MMP16: variants seen among roughly 807,000 people sequenced by gnomAD.
MMP16 encodes the protein matrix metalloproteinase-16.
A neutral mutation model predicts 67.8 loss-of-function variants in MMP16; 12 were observed. The ratio of observed to expected loss-of-function variants is 0.18; its 90% CI spans 0.11 to 0.29. The LOEUF is 0.29. MMP16 is among the 10% of genes least tolerant of loss of function. The probability of loss-of-function intolerance (pLI) is 1.00; values close to 1 mark genes in which losing one functional copy is unlikely to be tolerated. For missense variants in MMP16, 475 were observed against 765.7 expected (o/e 0.62, Z 4.48); for synonymous variants, 249 against 255.9 (o/e 0.97, Z 0.26).
intron 1 of MMP16, among the ~76,000 whole-genome samples, chr8:88,266,793 T>C (rs1405367782): frequency 6.6e-6 from 1 of 152,154 alleles, no homozygotes; most frequent in Non-Finnish European, 1.5e-5. Context: ...AAAGTGAACA[T>C]ATTGCAATCT....
At chr8:88,287,275 G>A (rs1226976137) in intron 1 of MMP16, among the ~76,000 whole-genome samples, 29 of 152,152 alleles carry the variant, frequency 1.9e-4, no homozygotes, top group Admixed American at 1.7e-3. Flanking sequence ...TTTGTTCTCA[G>A]TAACATCTCT....
chr8:88,124,649 G>GT, intron 4 of MMP16, among the ~76,000 whole-genome samples: 1 of 152,070 alleles, frequency 6.6e-6, no homozygotes, highest in Admixed American at 6.6e-5. Context: ...TGTAATAACA[G>GT]TATTTCTTTT....
intron 3 of MMP16, among the ~76,000 whole-genome samples, chr8:88,168,568 C>T (rs369601625): frequency 1.3e-5 from 2 of 152,120 alleles, no homozygotes; most frequent in Admixed American, 1.3e-4. Context: ...TTCACAATTA[C>T]GTCAATTTAG....
At chr8:88,220,163 T>A (rs1225744175) in intron 1 of MMP16, among the ~76,000 whole-genome samples, 1 of 152,098 alleles carries the variant, frequency 6.6e-6, no homozygotes, top group African/African-American at 2.4e-5. Context: ...CACAATATCA[T>A]TATCACACCT....
intron 6 of MMP16, among the ~76,000 whole-genome samples, chr8:88,107,589 G>C (rs571006317): frequency 6.6e-6 from 1 of 151,048 alleles, no homozygotes; most frequent in Non-Finnish European, 1.5e-5. Flanking sequence ...TTTTATTAGA[G>C]TGAATCTTTT....
chr8:88,258,673 A>C (rs956898325), intron 1 of MMP16, among the ~76,000 whole-genome samples: 1 of 152,208 alleles, frequency 6.6e-6, no homozygotes, highest in African/African-American at 2.4e-5. Flanking sequence ...AATAAGAGGG[A>C]AGACGGAGAG....
In MMP16 at chr8:88,033,799, G is replaced by GT. The variant is rs1189745835; in HGVS notation, c.*7661dup. ...ACCAAGGCAGCAAAAAGCTGCCTCT[G>GT]TAACACCCCTAATTCTTTGATTCTA... On this transcript the variant is annotated 3_prime_UTR_variant, in exon 10 of 10. Coordinates refer to ENST00000286614, the MANE Select transcript of MMP16 (RefSeq NM_005941.5). The GT allele has an allele frequency of 6.6e-6, 1 of 151,952 alleles. No homozygotes were observed. The highest frequency in any genetic ancestry group is 2.4e-5 in the African/African-American group (1 of 41,378). The allele number at this position is 151,952 out of a possible 1,614,324, so 9.4% of individuals were successfully genotyped here. A position where few individuals can be genotyped will look rare whatever the true frequency, so the allele number is the denominator to read the frequency against.
Position 88,094,185 on chromosome 8 carries a change from A to G in MMP16, c.1084-19442T>C, listed in dbSNP as rs917867342. On this transcript the variant is annotated intron_variant, in intron 6 of 9. Coordinates refer to ENST00000286614, the MANE Select transcript of MMP16 (RefSeq NM_005941.5). ...TATATTCATTTCTTTTTTTCCAAAC[A>G]TGCTTTAGCCCTGAAATATTCTATG... 2.6e-5 allele frequency among the ~76,000 whole-genome samples: 4 copies of G among 151,944 alleles called. No homozygotes were observed. The East Asian group carries it at 7.8e-4, about 30-fold the overall frequency.
chr8:88,327,467 A>G lies in MMP16; in HGVS notation c.-261T>C. The stretch of plus-strand genomic sequence containing the variant: ...CACCGGGAACGTGGCGCCTAAGTTC[A>G]CCGGCGGTTCCGGCTCAAAGAGCCT... On this transcript the variant is annotated 5_prime_UTR_variant, in exon 1 of 10. Transcript: ENST00000286614. 2.1e-6 allele frequency: 1 copy of G among 465,630 alleles called. No homozygotes were observed. Among genetic ancestry groups the G allele is most frequent in the Non-Finnish European group, 4.0e-6 (1 of 252,658 alleles). 28.8% of individuals were successfully genotyped at this position (465,630 alleles called of 1,614,324 possible).
In MMP16 at chr8:88,034,792, C is replaced by CGA. The variant is rs1208900977; in HGVS notation, c.*6668_*6669insTC. 2.6e-5 allele frequency: 4 copies of CGA among 152,136 alleles called. No homozygotes were observed. The highest frequency in any genetic ancestry group is 5.9e-5 in the Non-Finnish European group (4 of 67,948). The allele number at this position is 152,136 out of a possible 1,614,324, so 9.4% of individuals were successfully genotyped here. A position where few individuals can be genotyped will look rare whatever the true frequency, so the allele number is the denominator to read the frequency against. ...AGTGACTTTTCAAATAGACAGCTCA[C>CGA]ACCAGGCTTCATTCAACCATGTCTT... On this transcript the variant is annotated 3_prime_UTR_variant, in exon 10 of 10. Coordinates refer to ENST00000286614, the MANE Select transcript of MMP16 (RefSeq NM_005941.5).
intron 1 of MMP16, among the ~76,000 whole-genome samples, chr8:88,297,683 A>C (rs545097987): frequency 6.6e-6 from 1 of 152,336 alleles, no homozygotes; most frequent in Non-Finnish European, 1.5e-5. Flanking sequence ...CTCTAGAGGC[A>C]GACTGTCAGG....
intron 1 of MMP16, among the ~76,000 whole-genome samples, chr8:88,291,560 A>G (rs972761149): frequency 1.3e-5 from 2 of 152,122 alleles, no homozygotes; most frequent in African/African-American, 4.8e-5. Context: ...TAAAAAGTAA[A>G]CTCAGTGTCT....
intron 1 of MMP16, among the ~76,000 whole-genome samples, chr8:88,210,129 C>T (rs1023325178): frequency 6.6e-6 from 1 of 152,092 alleles, no homozygotes; most frequent in Admixed American, 6.6e-5. Flanking sequence ...CTTCTAGCCT[C>T]CAAAACTGTG....
rs536964141 is a variant in MMP16, at chr8:88,148,743, G to C, written c.709+18926C>G. 6.2e-5 allele frequency among the ~76,000 whole-genome samples: 9 copies of C among 146,254 alleles called. No individual in the cohort carries two copies. The East Asian group carries it at 1.9e-3, about 30-fold the overall frequency. ...TTATCTATTTCTTTAGTAGTAAGAA[G>C]AATCTCTGGAATATTTTGTCTTCCA... On this transcript the variant is annotated intron_variant, in intron 4 of 9. Transcript: ENST00000286614.
chr8:88,069,315 G>A (rs1808511807), intron 7 of MMP16: 2 of 359,696 alleles, frequency 5.6e-6, no homozygotes. Context: ...TGGTGTTTAC[G>A]AATGCAATTG....
intron 2 of MMP16, among the ~76,000 whole-genome samples, chr8:88,188,736 A>G (rs1586196499): frequency 6.6e-6 from 1 of 151,078 alleles, no homozygotes; most frequent in East Asian, 1.9e-4. Context: ...CTTAACCACA[A>G]CCTCCACCTC....
At position 88,202,600 on chromosome 8, in the gene MMP16, T is replaced by C. The variant is rs143741216; in HGVS notation, c.133-5294A>G. On this transcript the variant is annotated intron_variant, in intron 1 of 9. Coordinates refer to ENST00000286614, the MANE Select transcript of MMP16 (RefSeq NM_005941.5). ...CTGTTTTTTTTTCTTCTAAGTTGTT[T>C]AGATTTTTTAAAGAAAGATTTATAG... is the stretch of plus-strand genomic sequence containing the variant. 1.7e-3 allele frequency among the ~76,000 whole-genome samples: 253 copies of C among 152,214 alleles called. 1 individual carries two copies. Among genetic ancestry groups the C allele is most frequent in the Admixed American group, 3.8e-3 (58 of 15,278 alleles).
chr8:88,124,016 G>A (rs1807885204), intron 4 of MMP16, among the ~76,000 whole-genome samples: 2 of 151,876 alleles, frequency 1.3e-5, no homozygotes, highest in African/African-American at 4.8e-5. Flanking sequence ...GTCAGACATA[G>A]TTTGACTATG....
intron 6 of MMP16, among the ~76,000 whole-genome samples, chr8:88,101,247 T>A (rs1809139324): frequency 1.3e-5 from 2 of 151,920 alleles, no homozygotes; most frequent in Non-Finnish European, 2.9e-5. Flanking sequence ...TAAGGTAGTA[T>A]ATTTTCTTAA....
Sources: allele counts gnomAD v4.1 joint callset (sites outside exome capture counted in the v4.1 genomes callset), GRCh38; gene constraint gnomAD v4.1.1; transcripts MANE v1.5; gene names NCBI Gene and HGNC (gene_info 2026-07-23, HGNC 2026-07-21).